Variants in SESTD1 observed in about 807,000 individuals in gnomAD.
SESTD1 encodes the protein SEC14 domain and spectrin repeat-containing protein 1.
Under a neutral mutation model 101.7 loss-of-function variants are expected in SESTD1, and 43 were observed. That is an observed-to-expected ratio of 0.42 (90% CI 0.33 to 0.55). The LOEUF (loss-of-function observed/expected upper bound fraction) is 0.55, where lower values mean the gene tolerates loss of function less well. Ranked by LOEUF, SESTD1 falls within the 20% of genes least tolerant of loss-of-function variation. The pLI is 0.07. For missense variants in SESTD1, 647 were observed against 815.1 expected (o/e 0.79, Z 2.51); for synonymous variants, 283 against 286.8 (o/e 0.99, Z 0.13).
At chr2:179,126,974 C>T (rs1466824110) in intron 10 of SESTD1, among the ~76,000 whole-genome samples, 5 of 152,294 alleles carry the variant, frequency 3.3e-5, no homozygotes, top group African/African-American at 1.2e-4. Flanking sequence ...TCTCTGTTCC[C>T]TATTTTCCAC....
At chr2:179,259,986 T>C (rs1169727183) in intron 1 of SESTD1, among the ~76,000 whole-genome samples, 4 of 152,234 alleles carry the variant, frequency 2.6e-5, no homozygotes, top group South Asian at 2.1e-4. Context: ...TGAATTTTTA[T>C]AGATACTTGT....
At chr2:179,137,153 A>T (rs17454199) in intron 9 of SESTD1, among the ~76,000 whole-genome samples, 1 of 152,270 alleles carries the variant, frequency 6.6e-6, no homozygotes, top group Non-Finnish European at 1.5e-5. Context: ...TCCCCAATCC[A>T]TATCAATGTG....
At chr2:179,195,358 C>T (rs1258848301) in intron 1 of SESTD1, among the ~76,000 whole-genome samples, 1 of 152,194 alleles carries the variant, frequency 6.6e-6, no homozygotes, top group Non-Finnish European at 1.5e-5. Context: ...TCTCCTGCCA[C>T]CCTGTGAAGA....
At chr2:179,194,618 G>A (rs192820194) in intron 1 of SESTD1, among the ~76,000 whole-genome samples, 259 of 152,176 alleles carry the variant, frequency 1.7e-3, no homozygotes, top group South Asian at 0.016. Flanking sequence ...CTGGGAGAAC[G>A]GCAATGCCTT....
At chr2:179,243,929 T>TAC (rs1475207416) in intron 1 of SESTD1, among the ~76,000 whole-genome samples, 19 of 136,948 alleles carry the variant, frequency 1.4e-4, no homozygotes, top group African/African-American at 5.3e-4. Flanking sequence ...ATTAAAAATA[T>TAC]ATATATATGT....
At chr2:179,193,721 A>G (rs1392265175) in intron 1 of SESTD1, among the ~76,000 whole-genome samples, 1 of 152,184 alleles carries the variant, frequency 6.6e-6, no homozygotes, top group African/African-American at 2.4e-5. Context: ...CAGTCCCATC[A>G]TGGGACAAAC....
At chr2:179,124,321 C>T in intron 11 of SESTD1, 43 bp downstream of exon 11, 5 of 1,564,600 alleles carry the variant, frequency 3.2e-6, no homozygotes, top group Non-Finnish European at 4.3e-6. Flanking sequence ...GGTAAGTGTT[C>T]AGATAATTTG....
chr2:179,183,735 C>G (rs966595738), intron 2 of SESTD1, among the ~76,000 whole-genome samples: 4 of 151,870 alleles, frequency 2.6e-5, no homozygotes, highest in Non-Finnish European at 4.4e-5. Context: ...CCCAGCTACT[C>G]AGGAGGCTGA....
At position 179,198,161 on chromosome 2, in the gene SESTD1, T is replaced by C. The variant is rs1223240092; in HGVS notation, c.-25-6295A>G. Among the ~76,000 whole-genome samples, 4 of 152,184 alleles carry C rather than the reference T, an allele frequency of 2.6e-5. No individual in the cohort carries two copies. In the East Asian group the frequency reaches 7.7e-4, roughly 29 times the overall value. On this transcript the variant is annotated intron_variant, in intron 1 of 17. Coordinates refer to ENST00000428443, the MANE Select transcript of SESTD1 (RefSeq NM_178123.5). ...CAAAGAAAGGCAGGGGTTGCAATCC[T>C]AGTCTCTGACAAAACAGACTTTAAA...
At chr2:179,238,104 T>A (rs1239915111) in intron 1 of SESTD1, among the ~76,000 whole-genome samples, 1 of 152,156 alleles carries the variant, frequency 6.6e-6, no homozygotes, top group Non-Finnish European at 1.5e-5. Flanking sequence ...AAAATCTTAT[T>A]AAGAAAATCA....
At chr2:179,148,370 TA>T (rs748540175) in intron 7 of SESTD1, among the ~76,000 whole-genome samples, 43 of 152,340 alleles carry the variant, frequency 2.8e-4, no homozygotes, top group Non-Finnish European at 4.0e-4. Context: ...AAGTGCTTTT[TA>T]TCTGAGGAGG....
rs1349908087 is a variant in SESTD1 at position 179,143,795 on chromosome 2, A to G, written c.646T>C (p.Leu216=). The G allele has an allele frequency of 1.2e-6, 2 of 1,612,616 alleles. No individual in the cohort carries two copies. The highest frequency in any genetic ancestry group is 1.7e-6 in the Non-Finnish European group (2 of 1,179,598). ...PETVLQTGHE[L]LSELQQRRFN... is the part of the protein sequence containing the mutation. ...CGACGCTGCTGTAATTCGGACAACA[A>G]TTCATGCCCTTTACAAATAAAAGAT... The change falls in exon 9 of 18, where the codon TTG becomes CTG. Residue 216 remains leucine (L), a synonymous_variant. Coordinates refer to ENST00000428443, the MANE Select transcript of SESTD1 (RefSeq NM_178123.5).
At chr2:179,184,095 C>G (rs1391271474) in intron 2 of SESTD1, among the ~76,000 whole-genome samples, 1 of 152,092 alleles carries the variant, frequency 6.6e-6, no homozygotes. Flanking sequence ...AGTCTGAAAT[C>G]CCGGTAGTAG....
At position 179,230,641 on chromosome 2, in the gene SESTD1, C is replaced by T. The variant is rs113014032; in HGVS notation, c.-26+33858G>A. 1.7e-3 allele frequency among the ~76,000 whole-genome samples: 263 copies of T among 151,082 alleles called. 1 individual carries two copies. Among genetic ancestry groups the T allele is most frequent in the African/African-American group, 6.0e-3 (246 of 41,190 alleles). The stretch of plus-strand genomic sequence containing the variant: ...AACCAAGAGAATGAAAATGAGATAA[C>T]GCGGTAAAAAAAATAATCACAGGAA... On this transcript the variant is annotated intron_variant, in intron 1 of 17. Coordinates refer to ENST00000428443, the MANE Select transcript of SESTD1 (RefSeq NM_178123.5).
intron 9 of SESTD1, among the ~76,000 whole-genome samples, chr2:179,138,433 A>C (rs1384496987): frequency 2.0e-5 from 3 of 152,070 alleles, no homozygotes; most frequent in Non-Finnish European, 4.4e-5. Context: ...CAATACATTC[A>C]AGATCAACAC....
intron 10 of SESTD1, among the ~76,000 whole-genome samples, chr2:179,130,530 T>C (rs1242883443): frequency 2.6e-5 from 4 of 152,084 alleles, no homozygotes; most frequent in African/African-American, 7.2e-5. Context: ...ATACGCAATA[T>C]GAAATTTGCT....
intron 1 of SESTD1, among the ~76,000 whole-genome samples, chr2:179,259,043 C>T (rs2047441559): frequency 6.6e-6 from 1 of 152,156 alleles, no homozygotes; most frequent in Non-Finnish European, 1.5e-5. Flanking sequence ...GGAGTGAATA[C>T]TTGTAATGAG....
intron 15 of SESTD1, among the ~76,000 whole-genome samples, chr2:179,115,538 A>C (rs2044609135): frequency 6.6e-6 from 1 of 152,024 alleles, no homozygotes; most frequent in South Asian, 2.1e-4. Context: ...GCTTGAAGTT[A>C]GGAGTTCAAG....
chr2:179,170,125 G>A (rs55727277), intron 5 of SESTD1, among the ~76,000 whole-genome samples: 230 of 151,432 alleles, frequency 1.5e-3, no homozygotes, highest in Non-Finnish European at 2.5e-3. Flanking sequence ...TTGTGACCTT[G>A]AGTAAGGCAA....
Sources: gnomAD v4.1 joint callset for allele counts (sites outside exome capture counted in the v4.1 genomes callset) on GRCh38, gnomAD v4.1.1 for gene constraint, MANE v1.5 for transcripts, NCBI Gene and HGNC (gene_info 2026-07-23, HGNC 2026-07-21) for gene names.